Variants in STON2 observed in about 807,000 individuals in gnomAD.
The protein encoded by STON2 is stonin 2, also known as stonin-2.
Under a neutral mutation model 65.7 loss-of-function variants are expected in STON2, and 29 were observed. The observed-to-expected ratio is 0.44, with a 90% CI of 0.33 to 0.60. The LOEUF (loss-of-function observed/expected upper bound fraction) is 0.60, where lower values mean the gene tolerates loss of function less well. STON2 is among the 20% of genes least tolerant of loss of function. The pLI is 0.03. For synonymous variants in STON2, 404 were observed against 414.2 expected, an observed-to-expected ratio of 0.98 and a Z score of 0.30; for missense variants, 1,054 against 1,118.1, an observed-to-expected ratio of 0.94 and a Z score of 0.82.
At position 81,262,570 on chromosome 14, in the gene STON2, T is replaced by C; in HGVS notation, c.*5844A>G. 1.0e-6 allele frequency: 1 copy of C among 985,420 alleles called. No homozygotes were observed. The highest frequency in any genetic ancestry group is 1.2e-6 in the Non-Finnish European group (1 of 829,872). 61.0% of individuals were successfully genotyped at this position (985,420 alleles called of 1,614,324 possible). On this transcript the variant is annotated 3_prime_UTR_variant, in exon 8 of 8. Transcript: ENST00000614646. ...ATTTTACTTTTTCATATTGAAATTC[T>C]TTTTTTAGTCTATTCTCTTGTAGCT... is the stretch of plus-strand genomic sequence containing the variant.
chr14:81,356,080 T>C (rs1167821448), intron 4 of STON2, among the ~76,000 whole-genome samples: 3 of 152,230 alleles, frequency 2.0e-5, no homozygotes, highest in Admixed American at 6.5e-5. Flanking sequence ...ATTCCTGTCT[T>C]GTGCCAGTTT....
chr14:81,266,089 A>G lies in STON2; in HGVS notation c.*2325T>C. 3 of 985,284 alleles carry G rather than the reference A, an allele frequency of 3.0e-6. No individual in the cohort carries two copies. The highest frequency in any genetic ancestry group is 3.6e-6 in the Non-Finnish European group (3 of 829,760). 61.0% of individuals were successfully genotyped at this position (985,284 alleles called of 1,614,324 possible). On this transcript the variant is annotated 3_prime_UTR_variant, in exon 8 of 8. Coordinates refer to ENST00000614646, the MANE Select transcript of STON2 (RefSeq NM_001394390.1). ...AGCATGAAAAACCACTTATGAAGAAAAAGACAAATGAAGTTAGAGAGTCTT... is the reference window on the plus strand; with the variant it reads ...AGCATGAAAAACCACTTATGAAGAAGAAGACAAATGAAGTTAGAGAGTCTT...
At position 81,371,676 on chromosome 14, in the gene STON2, T is replaced by TCAAAAAAAAAAA. The variant is rs58782661; in HGVS notation, c.374-492_374-491insTTTTTTTTTTTG. 1.4e-4 allele frequency among the ~76,000 whole-genome samples: 14 copies of TCAAAAAAAAAAA among 97,590 alleles called. 1 individual carries two copies. Among genetic ancestry groups the TCAAAAAAAAAAA allele is most frequent in the African/African-American group, 2.2e-4 (5 of 22,278 alleles). The allele number at this position is 97,590 out of a possible 152,430, so 64.0% of individuals were successfully genotyped here. A position where few individuals can be genotyped will look rare whatever the true frequency, so the allele number is the denominator to read the frequency against. ...ACAACAGAATGAATGAGACTGAGTCTAAAAAAAAAAAAAAAGAAAAGAAAA... is the reference window on the plus strand; with the variant it reads ...ACAACAGAATGAATGAGACTGAGTCTCAAAAAAAAAAAAAAAAAAAAAAAAAAGAAAAGAAAA... On this transcript the variant is annotated intron_variant, in intron 3 of 7. Transcript: ENST00000614646.
chr14:81,278,770 T>A (rs1371568055), intron 5 of STON2, 31 bp from the exon 6 acceptor site: 23 of 1,493,780 alleles, frequency 1.5e-5, no homozygotes, highest in African/African-American at 2.8e-5. Context: ...TATGAGCTAC[T>A]GTTCAGGGGC....
At chr14:81,306,171 A>G (rs11846610) in intron 5 of STON2, among the ~76,000 whole-genome samples, 2 of 91,340 alleles carry the variant, frequency 2.2e-5, no homozygotes, top group Admixed American at 2.4e-4. Context: ...CTCTCTCTAT[A>G]TATATATATA....
In STON2 at chr14:81,263,556, A is replaced by AC. The variant is rs1203786996; in HGVS notation, c.*4857_*4858insG. 1.8e-4 allele frequency: 36 copies of AC among 196,224 alleles called. No homozygotes were observed. The highest frequency in any genetic ancestry group is 1.5e-3 in the Admixed American group (23 of 15,228). 12.2% of individuals were successfully genotyped at this position (196,224 alleles called of 1,614,324 possible). A position where few individuals can be genotyped will look rare whatever the true frequency, so the allele number is the denominator to read the frequency against. On this transcript the variant is annotated 3_prime_UTR_variant, in exon 8 of 8. Transcript: ENST00000614646. ...CCGTCTCAAAAAAAAAAAAAAAAAA[A>AC]AAAACAAAAAAGAAAATGCTATTTT... is the stretch of plus-strand genomic sequence containing the variant.
chr14:81,274,468 G>A (rs1051659001), intron 6 of STON2, among the ~76,000 whole-genome samples: 1 of 152,190 alleles, frequency 6.6e-6, no homozygotes, highest in East Asian at 1.9e-4. Context: ...GTTTGCTGAA[G>A]GCCTGGTTTT....
At chr14:81,299,734 A>G (rs1208137730) in intron 5 of STON2, among the ~76,000 whole-genome samples, 3 of 152,208 alleles carry the variant, frequency 2.0e-5, no homozygotes, top group African/African-American at 7.2e-5. Flanking sequence ...TGTTTACTAT[A>G]GCATAAAAAT....
chr14:81,423,151 T>C (rs1901795890), intron 2 of STON2, among the ~76,000 whole-genome samples: 2 of 152,212 alleles, frequency 1.3e-5, no homozygotes, highest in Non-Finnish European at 2.9e-5. Context: ...CTGCACACTT[T>C]TCTTGATGTT....
chr14:81,322,324 A>G (rs940412723), intron 5 of STON2, among the ~76,000 whole-genome samples: 1 of 152,222 alleles, frequency 6.6e-6, no homozygotes, highest in Non-Finnish European at 1.5e-5. Context: ...CGTTAACTGC[A>G]TGGGCGACTT....
chr14:81,284,859 T>C (rs1895273461), intron 5 of STON2, among the ~76,000 whole-genome samples: 1 of 152,192 alleles, frequency 6.6e-6, no homozygotes, highest in Admixed American at 6.5e-5. Flanking sequence ...CAAAAAATCT[T>C]AGCACCCTTA....
intron 5 of STON2, among the ~76,000 whole-genome samples, chr14:81,288,361 T>C (rs1460442001): frequency 6.6e-6 from 1 of 152,238 alleles, no homozygotes; most frequent in Non-Finnish European, 1.5e-5. Flanking sequence ...TCATAGACTG[T>C]AGTTACACAA....
intron 2 of STON2, among the ~76,000 whole-genome samples, chr14:81,410,554 T>C (rs897690577): frequency 6.6e-6 from 1 of 152,180 alleles, no homozygotes; most frequent in Non-Finnish European, 1.5e-5. Context: ...CAATAGGCCA[T>C]AGCCTGAAGG....
chr14:81,408,315 C>T (rs1355643335), intron 2 of STON2, among the ~76,000 whole-genome samples: 1 of 152,168 alleles, frequency 6.6e-6, no homozygotes, highest in East Asian at 1.9e-4. Flanking sequence ...GGAGACCACC[C>T]AATCTTCTTC....
intron 2 of STON2, among the ~76,000 whole-genome samples, chr14:81,426,623 A>T (rs1901987095): frequency 6.6e-6 from 1 of 152,116 alleles, no homozygotes; most frequent in South Asian, 2.1e-4. Flanking sequence ...CTGCGGCAAG[A>T]ACCCTTCCCA....
intron 7 of STON2, chr14:81,270,075 T>A (rs1292383213): frequency 1.0e-6 from 1 of 979,064 alleles, no homozygotes; most frequent in Non-Finnish European, 1.2e-6. Flanking sequence ...TAATAACAAT[T>A]CCTTTACCCC....
chr14:81,300,372 AG>A (rs1241639176), intron 5 of STON2, among the ~76,000 whole-genome samples: 8 of 152,146 alleles, frequency 5.3e-5, no homozygotes, highest in African/African-American at 1.9e-4. Context: ...CCATGACCTT[AG>A]GGTAGGCAAA....
At chr14:81,332,058 G>A (rs973470800) in intron 4 of STON2, among the ~76,000 whole-genome samples, 2 of 152,136 alleles carry the variant, frequency 1.3e-5, no homozygotes, top group Non-Finnish European at 2.9e-5. Flanking sequence ...TAGGCACTTG[G>A]ACTTCTCTCC....
chr14:81,370,889 A>T, intron 4 of STON2, 99 bp downstream of exon 4: 1 of 1,136,494 alleles, frequency 8.8e-7, no homozygotes, highest in Non-Finnish European at 1.3e-6. Context: ...TCATTCTGCA[A>T]AGGAAGCCAG....
Sources: allele counts gnomAD v4.1 joint callset (sites outside exome capture counted in the v4.1 genomes callset), GRCh38; gene constraint gnomAD v4.1.1; transcripts MANE v1.5; gene names NCBI Gene and HGNC (gene_info 2026-07-23, HGNC 2026-07-21).